MAPRE3: variants seen among roughly 807,000 people sequenced by gnomAD.
MAPRE3 encodes microtubule associated protein RP/EB family member 3, also known as microtubule-associated protein RP/EB family member 3.
MAPRE3 carries 2 observed loss-of-function variants against 30.5 expected under a neutral mutation model. The ratio of observed to expected loss-of-function variants is 0.07; its 90% confidence interval spans 0.03 to 0.21. The LOEUF (loss-of-function observed/expected upper bound fraction) is 0.21, where lower values mean the gene tolerates loss of function less well. MAPRE3 is among the 10% of genes least tolerant of loss of function. The pLI is 1.00. For synonymous variants in MAPRE3, 110 were observed against 127.7 expected, an observed-to-expected ratio of 0.86 and a Z score of 0.93; for missense variants, 204 against 351.8, an observed-to-expected ratio of 0.58 and a Z score of 3.36.
chr2:26,976,279 C>T (rs944843781), intron 1 of MAPRE3, among the ~76,000 whole-genome samples: 2 of 152,102 alleles, frequency 1.3e-5, no homozygotes, highest in Non-Finnish European at 2.9e-5. Flanking sequence ...TTAATTTTGT[C>T]GTAAGTTGGC....
intron 1 of MAPRE3, among the ~76,000 whole-genome samples, chr2:26,997,804 G>A (rs1233311130): frequency 6.6e-6 from 1 of 152,202 alleles, no homozygotes; most frequent in Non-Finnish European, 1.5e-5. Flanking sequence ...ACTAAATGTA[G>A]AGGAGTAAGG....
intron 1 of MAPRE3, among the ~76,000 whole-genome samples, chr2:26,993,820 A>G (rs1666399774): frequency 6.6e-6 from 1 of 152,146 alleles, no homozygotes; most frequent in Admixed American, 6.5e-5. Context: ...TGTAGGCCCT[A>G]CTTGGCCATG....
At chr2:27,006,211 A>AAC (rs1553329307) in intron 1 of MAPRE3, among the ~76,000 whole-genome samples, 3 of 151,802 alleles carry the variant, frequency 2.0e-5, no homozygotes, top group African/African-American at 7.2e-5. Flanking sequence ...AAAACAAAAA[A>AAC]AAAACAAGTG....
rs531344150 is a variant in MAPRE3 at position 27,025,866 on chromosome 2, T to G, written c.625-14T>G. On this transcript the variant is annotated splice_polypyrimidine_tract_variant and intron_variant, in intron 5 of 6. Transcript: ENST00000233121. ...GGGGACCTCTGGCTTGAACATCACT[T>G]TGTCCCCAAGCAGCTGGTGGACTTG... 1 of 1,614,114 alleles carries G rather than the reference T, an allele frequency of 6.2e-7. No homozygotes were observed. The highest frequency in any genetic ancestry group is 1.7e-5 in the Admixed American group (1 of 60,020).
In MAPRE3 at chr2:27,022,252, A is replaced by G. The variant is rs780532608; in HGVS notation, c.34A>G (p.Ser12Gly). The G allele has an allele frequency of 6.2e-7, 1 of 1,614,114 alleles. No homozygotes were observed. The highest frequency in any genetic ancestry group is 8.5e-7 in the Non-Finnish European group (1 of 1,180,036). The stretch of plus-strand genomic sequence containing the variant: ...CAATGTGTACTCCACATCTGTGACC[A>G]GTGAAAATCTGAGTCGCCATGATAT... ...AVNVYSTSVT[S>G]ENLSRHDMLA... Residue 12 changes from serine (S) to glycine (G), a missense_variant, in exon 2 of 7, where the codon AGT (serine) becomes GGT (glycine). Coordinates refer to ENST00000233121, the MANE Select transcript of MAPRE3 (RefSeq NM_012326.4).
At position 27,023,383 on chromosome 2, in the gene MAPRE3, T is replaced by C; in HGVS notation, c.173T>C (p.Leu58Ser). The C allele has an allele frequency of 6.2e-7, 1 of 1,613,556 alleles. No individual in the cohort carries two copies. The highest frequency in any genetic ancestry group is 8.5e-7 in the Non-Finnish European group (1 of 1,179,508). Residue 58 changes from leucine to serine, a missense_variant, in exon 3 of 7, where the codon TTG (leucine) becomes TCG (serine). This residue lies in a region of MAPRE3 where 101 missense variants were observed against 205.4 expected (regional missense o/e 0.49). Coordinates refer to ENST00000233121, the MANE Select transcript of MAPRE3 (RefSeq NM_012326.4). ...MDMLFPGCVHLRKVKFQAKLE... is the reference protein window; with the variant it reads ...MDMLFPGCVHSRKVKFQAKLE... Reference sequence around the variant, plus strand: ...ATGCTCTTCCCCGGCTGTGTGCACTTGAGGAAAGTGAAGTTCCAGGCCAAA... The same window carrying C: ...ATGCTCTTCCCCGGCTGTGTGCACTCGAGGAAAGTGAAGTTCCAGGCCAAA...
chr2:27,001,938 A>G (rs969570101), intron 1 of MAPRE3: 2 of 152,266 alleles, frequency 1.3e-5, no homozygotes, highest in African/African-American at 4.8e-5. Context: ...GGCTTGAACA[A>G]ATAATGGGGT....
chr2:27,023,196 G>A (rs1195502242), intron 2 of MAPRE3, 136 bp from the exon 3 acceptor site: 4 of 879,272 alleles, frequency 4.5e-6, no homozygotes, highest in African/African-American at 3.4e-5. Flanking sequence ...TTCTGGCCAT[G>A]TCTATCCTGA....
At chr2:26,978,220 G>T (rs532218741) in intron 1 of MAPRE3, among the ~76,000 whole-genome samples, 1 of 152,340 alleles carries the variant, frequency 6.6e-6, no homozygotes, top group African/African-American at 2.4e-5. Context: ...TGACTGGTAA[G>T]AAATGAAATC....
intron 1 of MAPRE3, among the ~76,000 whole-genome samples, chr2:27,016,809 A>G (rs1046232559): frequency 3.3e-5 from 5 of 152,116 alleles, no homozygotes; most frequent in Admixed American, 2.6e-4. Flanking sequence ...TCAACCCCCA[A>G]TGCAAAAGCC....
At chr2:26,982,719 T>A (rs994024901) in intron 1 of MAPRE3, among the ~76,000 whole-genome samples, 3 of 152,250 alleles carry the variant, frequency 2.0e-5, no homozygotes, top group Non-Finnish European at 4.4e-5. Flanking sequence ...TACTACTGTT[T>A]ATCCATTTCA....
At chr2:26,995,722 G>A (rs1336392010) in intron 1 of MAPRE3, among the ~76,000 whole-genome samples, 3 of 150,892 alleles carry the variant, frequency 2.0e-5, no homozygotes, top group Non-Finnish European at 4.4e-5. Flanking sequence ...TCTTAAGTAG[G>A]TTGGAGGCCA....
Position 27,006,604 on chromosome 2 carries a change from TA to T in MAPRE3, c.-7-15604del, listed in dbSNP as rs200677252. On this transcript the variant is annotated intron_variant, in intron 1 of 6. Transcript: ENST00000233121. ...TGCCACCACGTCCCACTATTTTTTT[TA>T]AAATTTTTTGTAGAGACGGGGTCAT... 1.7e-3 allele frequency among the ~76,000 whole-genome samples: 253 copies of T among 152,190 alleles called. 1 individual carries two copies. The highest frequency in any genetic ancestry group is 5.9e-3 in the African/African-American group (245 of 41,510).
At chr2:27,012,417 T>G (rs1407069485) in intron 1 of MAPRE3, 3 of 152,230 alleles carry the variant, frequency 2.0e-5, no homozygotes. Context: ...TGGTTGATCT[T>G]GAACTTGGAA....
intron 4 of MAPRE3, 44 bp from the exon 5 acceptor site, chr2:27,025,539 C>T: frequency 2.0e-6 from 3 of 1,529,312 alleles, no homozygotes; most frequent in Non-Finnish European, 2.6e-6. Flanking sequence ...GCCACGTGCG[C>T]TGTGGGCTCA....
intron 1 of MAPRE3, chr2:27,002,732 C>T (rs1285029348): frequency 6.6e-6 from 1 of 152,160 alleles, no homozygotes; most frequent in Non-Finnish European, 1.5e-5. Flanking sequence ...TGCAGAGGAC[C>T]CATGATGTTT....
intron 1 of MAPRE3, among the ~76,000 whole-genome samples, chr2:26,978,437 A>AC (rs535527395): frequency 6.8e-6 from 1 of 146,406 alleles, no homozygotes; most frequent in Non-Finnish European, 1.5e-5. Context: ...GCCACCCTCC[A>AC]CCCCCACCCG....
At chr2:27,025,493 G>A in intron 4 of MAPRE3, 90 bp from the exon 5 acceptor site, 1 of 1,356,102 alleles carries the variant, frequency 7.4e-7, no homozygotes, top group South Asian at 1.4e-5. Context: ...TGTCGCATGG[G>A]CCTGCCCCCG....
chr2:27,006,506 T>C (rs929430638), intron 1 of MAPRE3, among the ~76,000 whole-genome samples: 30 of 152,198 alleles, frequency 2.0e-4, no homozygotes, highest in African/African-American at 4.8e-4. Context: ...TCACAGCTCA[T>C]TGAAGCCTTG....
Sources: gnomAD v4.1 joint callset for allele counts (sites outside exome capture counted in the v4.1 genomes callset) on GRCh38, gnomAD v4.1.1 for gene constraint, gnomAD v4.1.1 regional missense constraint, MANE v1.5 for transcripts, NCBI Gene and HGNC (gene_info 2026-07-23, HGNC 2026-07-21) for gene names.